NRG3: variants seen among roughly 807,000 people sequenced by gnomAD.
NRG3 encodes pro-neuregulin-3, membrane-bound isoform.
NRG3 carries 31 observed loss-of-function variants against 66.9 expected under a neutral mutation model. That is an observed-to-expected ratio of 0.46 (90% confidence interval 0.35 to 0.63). The LOEUF (loss-of-function observed/expected upper bound fraction) is 0.63. Ranked by LOEUF, NRG3 falls within the 20% of genes least tolerant of loss-of-function variation. NRG3 has a pLI of 0.00. For synonymous variants in NRG3, 393 were observed against 359.4 expected, an observed-to-expected ratio of 1.09 and a Z score of -1.06; for missense variants, 910 against 878.9, an observed-to-expected ratio of 1.04 and a Z score of -0.45.
chr10:82,702,843 T>C lies in NRG3; in HGVS notation c.954-35734T>C, dbSNP rs2055991675. 2.6e-5 allele frequency among the ~76,000 whole-genome samples: 4 copies of C among 152,160 alleles called. No individual in the cohort carries two copies. The South Asian group carries it at 6.2e-4, about 24-fold the overall frequency. On this transcript the variant is annotated intron_variant, in intron 2 of 8. Coordinates refer to ENST00000372141, the MANE Select transcript of NRG3 (RefSeq NM_001010848.4). The stretch of plus-strand genomic sequence containing the variant: ...ACAATATCTTTGTATCAGATGTACA[T>C]AAATGTGATAAACATGCTTTGAAAG...
chr10:81,916,615 G>T lies in NRG3; in HGVS notation c.823+40452G>T, dbSNP rs192994042. On this transcript the variant is annotated intron_variant, in intron 1 of 8. Coordinates refer to ENST00000372141, the MANE Select transcript of NRG3 (RefSeq NM_001010848.4). ...AGAATAACGAACCCAAGGGTCTGCT[G>T]TCGAAGAGATGTAGTGTACTATTTA... Among the ~76,000 whole-genome samples, 175 of 152,316 alleles carry T rather than the reference G, an allele frequency of 1.1e-3. 1 individual carries two copies. Among genetic ancestry groups the T allele is most frequent in the Middle Eastern group, 0.01 (3 of 294 alleles).
intron 1 of NRG3, among the ~76,000 whole-genome samples, chr10:82,269,595 T>C (rs1319330999): frequency 6.6e-6 from 1 of 152,046 alleles, no homozygotes; most frequent in Non-Finnish European, 1.5e-5. Context: ...TCTAAATATA[T>C]TTTTGACTCT....
chr10:82,297,775 CT>C (rs1470740262), intron 1 of NRG3, among the ~76,000 whole-genome samples: 34 of 152,044 alleles, frequency 2.2e-4, no homozygotes, highest in Admixed American at 2.1e-3. Flanking sequence ...TGCTATTGCA[CT>C]TTTTTATTGT....
At chr10:82,878,954 T>C (rs1211999627) in intron 4 of NRG3, among the ~76,000 whole-genome samples, 2 of 152,204 alleles carry the variant, frequency 1.3e-5, no homozygotes, top group African/African-American at 2.4e-5. Context: ...TTGTCCTGCC[T>C]TTCCCTCAGC....
At chr10:82,764,831 G>A (rs371721538) in intron 3 of NRG3, among the ~76,000 whole-genome samples, 14 of 152,236 alleles carry the variant, frequency 9.2e-5, no homozygotes, top group East Asian at 7.7e-4. Context: ...TATGTTTTGG[G>A]CTGTGTGTGT....
chr10:82,311,772 A>G (rs2081042389), intron 1 of NRG3, among the ~76,000 whole-genome samples: 1 of 152,162 alleles, frequency 6.6e-6, no homozygotes. Flanking sequence ...CCAGTTTCTT[A>G]TAGACAAAGA....
In NRG3 at chr10:82,536,683, C is replaced by T. The variant is rs572605959; in HGVS notation, c.953+177815C>T. 2.0e-5 allele frequency among the ~76,000 whole-genome samples: 3 copies of T among 151,984 alleles called. No individual in the cohort carries two copies. In the South Asian group the frequency reaches 6.2e-4, roughly 32 times the overall value. ...CAAGAAATTGGATGGAATGAATTAC[C>T]ATGTTGTAGTAAAGACTTTGTAATC... On this transcript the variant is annotated intron_variant, in intron 2 of 8. Coordinates refer to ENST00000372141, the MANE Select transcript of NRG3 (RefSeq NM_001010848.4).
At chr10:82,068,469 C>T (rs2064618142) in intron 1 of NRG3, among the ~76,000 whole-genome samples, 1 of 152,134 alleles carries the variant, frequency 6.6e-6, no homozygotes, top group African/African-American at 2.4e-5. Context: ...GTTTCCTGCC[C>T]TTGAGAAGCG....
chr10:82,899,423 T>C (rs2131864184), intron 4 of NRG3, among the ~76,000 whole-genome samples: 1 of 152,294 alleles, frequency 6.6e-6, no homozygotes, highest in Non-Finnish European at 1.5e-5. Flanking sequence ...AATTGATATC[T>C]GACCAGGGAG....
intron 2 of NRG3, among the ~76,000 whole-genome samples, chr10:82,591,447 C>T (rs4454667): frequency 0.16 from 23,999 of 152,092 alleles, 2,350 homozygotes; most frequent in East Asian, 0.3. Context: ...TAACAATCAA[C>T]GAGTTAGTAA....
intron 2 of NRG3, among the ~76,000 whole-genome samples, chr10:82,483,251 T>G (rs2132166787): frequency 6.6e-6 from 1 of 152,304 alleles, no homozygotes; most frequent in East Asian, 1.9e-4. Context: ...ATGCTTTTAT[T>G]ATGGAAAAGA....
chr10:82,510,291 A>G (rs1845056130), intron 2 of NRG3, among the ~76,000 whole-genome samples: 1 of 152,070 alleles, frequency 6.6e-6, no homozygotes, highest in African/African-American at 2.4e-5. Flanking sequence ...TCGTGCATCT[A>G]GTTAGGTCTC....
chr10:82,952,614 T>C (rs1443943565), intron 5 of NRG3, among the ~76,000 whole-genome samples: 1 of 151,618 alleles, frequency 6.6e-6, no homozygotes, highest in Non-Finnish European at 1.5e-5. Flanking sequence ...AGCCCCTTGG[T>C]TTCTCATGTC....
intron 1 of NRG3, chr10:82,166,885 G>T (rs1014449592): frequency 1.6e-5 from 9 of 579,894 alleles, no homozygotes; most frequent in East Asian, 6.0e-5. Flanking sequence ...TTTCTCAGTA[G>T]TTTTTTTTTA....
chr10:82,973,971 G>A (rs1485345439), intron 7 of NRG3, 56 bp downstream of exon 7: 3 of 1,599,482 alleles, frequency 1.9e-6, no homozygotes, highest in Non-Finnish European at 1.7e-6. Context: ...TGTATGCTGG[G>A]TGGCACATGC....
intron 1 of NRG3, among the ~76,000 whole-genome samples, chr10:81,957,639 T>G (rs931655932): frequency 6.6e-6 from 1 of 152,234 alleles, no homozygotes; most frequent in Non-Finnish European, 1.5e-5. Context: ...GTGCCTGGCA[T>G]GTACCAGTGA....
chr10:82,454,432 A>G (rs1003705172), intron 2 of NRG3, among the ~76,000 whole-genome samples: 2 of 152,094 alleles, frequency 1.3e-5, no homozygotes, highest in African/African-American at 4.8e-5. Flanking sequence ...TATATGCTAC[A>G]CTCGTGTTCA....
At chr10:82,213,896 C>T (rs939853365) in intron 1 of NRG3, among the ~76,000 whole-genome samples, 2 of 152,062 alleles carry the variant, frequency 1.3e-5, no homozygotes, top group African/African-American at 2.4e-5. Context: ...TCGGCTTATT[C>T]GACTGCTCAA....
At chr10:82,250,364 C>T (rs1253600917) in intron 1 of NRG3, among the ~76,000 whole-genome samples, 2 of 152,032 alleles carry the variant, frequency 1.3e-5, no homozygotes, top group Admixed American at 6.5e-5. Flanking sequence ...GCAGGTGGAT[C>T]GCCTGAGGTC....
Sources: gnomAD v4.1 joint callset for allele counts (sites outside exome capture counted in the v4.1 genomes callset) on GRCh38, gnomAD v4.1.1 for gene constraint, MANE v1.5 for transcripts, NCBI Gene and HGNC (gene_info 2026-07-23, HGNC 2026-07-21) for gene names.